Variants in CLCN4 observed in about 807,000 individuals in gnomAD.
The protein encoded by CLCN4 is Cl-/H+ antiporter 4.
CLCN4 carries 1 observed loss-of-function variant against 41.7 expected under a neutral mutation model. The ratio of observed to expected loss-of-function variants is 0.02; its 90% confidence interval spans 0.01 to 0.11. CLCN4 has a LOEUF of 0.11. Ranked by LOEUF, CLCN4 falls within the 10% of genes least tolerant of loss-of-function variation. The pLI is 1.00. For synonymous variants in CLCN4, 277 were observed against 285.8 expected, an observed-to-expected ratio of 0.97 and a Z score of 0.31; for missense variants, 287 against 661.0, an observed-to-expected ratio of 0.43 and a Z score of 6.20.
At chrX:10,183,704 A>C (rs1197445049) in intron 2 of CLCN4, among the ~76,000 whole-genome samples, 1 of 111,845 alleles carries the variant, frequency 8.9e-6, no homozygotes, top group African/African-American at 3.3e-5. Flanking sequence ...ATGGTGGGAG[A>C]ATATGGGAGA....
At chrX:10,219,458 G>A (rs1366541542) in intron 11 of CLCN4, among the ~76,000 whole-genome samples, 1 of 112,252 alleles carries the variant, frequency 8.9e-6, no homozygotes, top group African/African-American at 3.2e-5. Flanking sequence ...TTGTGCCTCA[G>A]AGTCGTCTGG....
intron 2 of CLCN4, among the ~76,000 whole-genome samples, chrX:10,182,743 T>C (rs2051686): frequency 0.34 from 37,603 of 110,889 alleles, 5,000 homozygotes; most frequent in African/African-American, 0.48. Flanking sequence ...GATCTTTTAA[T>C]CCCAACCTCA....
At chrX:10,223,988 T>C (rs188435221) in intron 12 of CLCN4, among the ~76,000 whole-genome samples, 1 of 112,064 alleles carries the variant, frequency 8.9e-6, no homozygotes, top group East Asian at 2.8e-4. Flanking sequence ...TTAAATCAAA[T>C]AGGACATTTC....
chrX:10,222,254 G>A (rs777265880), intron 12 of CLCN4, among the ~76,000 whole-genome samples: 1 of 111,882 alleles, frequency 8.9e-6, no homozygotes, highest in South Asian at 3.8e-4. Flanking sequence ...TGGCCTCTGA[G>A]TGTCACAAGT....
intron 4 of CLCN4, 142 bp downstream of exon 4, chrX:10,187,756 T>C (rs1284739672): frequency 1.3e-5 from 6 of 478,319 alleles, no homozygotes; most frequent in Non-Finnish European, 2.2e-5. Flanking sequence ...ACTTGAAATA[T>C]CTAAGGGCAA....
chrX:10,203,894 A>T (rs1167785873), intron 6 of CLCN4, among the ~76,000 whole-genome samples: 1 of 111,911 alleles, frequency 8.9e-6, no homozygotes, highest in Non-Finnish European at 1.9e-5. Flanking sequence ...TTACATAAAT[A>T]ACACTGACAA....
chrX:10,207,960 G>A (rs1272080557), intron 8 of CLCN4, 85 bp from the exon 9 acceptor site: 28 of 827,744 alleles, frequency 3.4e-5, no homozygotes, highest in African/African-American at 8.2e-5. Context: ...TGGACTTAGA[G>A]TGTGACTTTC....
intron 11 of CLCN4, among the ~76,000 whole-genome samples, chrX:10,217,163 C>A (rs977452463): frequency 3.7e-5 from 4 of 107,539 alleles, no homozygotes; most frequent in South Asian, 4.1e-4. Flanking sequence ...TGCAGTGGCG[C>A]GATCATAGCT....
At chrX:10,197,648 T>C (rs1334011917) in intron 5 of CLCN4, among the ~76,000 whole-genome samples, 1 of 111,624 alleles carries the variant, frequency 9.0e-6, no homozygotes, top group African/African-American at 3.3e-5. Context: ...CAAGTGGTGA[T>C]TAAAACCAAG....
intron 2 of CLCN4, among the ~76,000 whole-genome samples, chrX:10,175,209 T>G (rs1602140769): frequency 1.8e-5 from 2 of 111,436 alleles, no homozygotes; most frequent in East Asian, 5.7e-4. Context: ...GGGTAGGAGC[T>G]CCAGCTTAGG....
At chrX:10,167,145 T>C (rs1923270565) in intron 2 of CLCN4, among the ~76,000 whole-genome samples, 1 of 112,146 alleles carries the variant, frequency 8.9e-6, no homozygotes, top group Admixed American at 9.4e-5. Context: ...CTGAACATCC[T>C]TTTGCTCTGA....
chrX:10,177,930 T>C (rs367842048), intron 2 of CLCN4, among the ~76,000 whole-genome samples: 10 of 111,980 alleles, frequency 8.9e-5, no homozygotes, highest in African/African-American at 3.2e-4. Flanking sequence ...CACAATGGAA[T>C]CTTATTCAGC....
At chrX:10,181,380 AAAAG>A (rs1923681231) in intron 2 of CLCN4, among the ~76,000 whole-genome samples, 6 of 107,448 alleles carry the variant, frequency 5.6e-5, no homozygotes, top group Non-Finnish European at 1.9e-5. Flanking sequence ...AAAAGAAAGA[AAAAG>A]AAAAGAAAGA....
chrX:10,222,982 T>C (rs758833288), intron 12 of CLCN4, among the ~76,000 whole-genome samples: 2 of 111,869 alleles, frequency 1.8e-5, no homozygotes, highest in African/African-American at 6.5e-5. Flanking sequence ...CAAGTGGTTT[T>C]TCAAACTTGA....
At chrX:10,201,053 G>A (rs1322862603) in intron 6 of CLCN4, among the ~76,000 whole-genome samples, 5 of 111,122 alleles carry the variant, frequency 4.5e-5, no homozygotes, top group African/African-American at 1.7e-4. Flanking sequence ...ATTAAAAAAT[G>A]TGATGTTAAG....
In CLCN4 at chrX:10,187,520, C is replaced by T. The variant is rs751180181; in HGVS notation, c.150C>T (p.Thr50=). Reference sequence around the variant, plus strand: ...CTGTATCTGCTTTGTTCTAGATCACCAGCAAGAGCAAGGAGTCCATATGGG... The same window carrying T: ...CTGTATCTGCTTTGTTCTAGATCACTAGCAAGAGCAAGGAGTCCATATGGG... ...SRDTDRHRKI[T]SKSKESIWEF... is the part of the protein sequence containing the mutation. The change falls in exon 4 of 13, where the codon ACC becomes ACT. Residue 50 remains threonine, a synonymous_variant. Coordinates refer to ENST00000380833, the MANE Select transcript of CLCN4 (RefSeq NM_001830.4). 7 of 1,203,417 alleles carry T rather than the reference C, an allele frequency of 5.8e-6. No individual in the cohort carries two copies. In the South Asian group the frequency reaches 1.2e-4, roughly 21 times the overall value.
At chrX:10,209,376 C>CCCTTTCCCCTTTCCCCCTT (rs1924487513) in intron 9 of CLCN4, among the ~76,000 whole-genome samples, 2 of 92,750 alleles carry the variant, frequency 2.2e-5, no homozygotes, top group African/African-American at 8.4e-5. Flanking sequence ...TTCCCCTTTC[C>CCCTTTCCCCTTTCCCCCTT]CCCTTCCCTT....
chrX:10,175,742 AG>A (rs1923502594), intron 2 of CLCN4, among the ~76,000 whole-genome samples: 1 of 111,053 alleles, frequency 9.0e-6, no homozygotes, highest in Non-Finnish European at 1.9e-5. Flanking sequence ...ACACTTTGTT[AG>A]CGCTATGGTA....
chrX:10,216,918 T>TATATATATATACACACACACAC (rs773265490), intron 11 of CLCN4, among the ~76,000 whole-genome samples: 99 of 38,919 alleles, frequency 2.5e-3, no homozygotes, highest in South Asian at 6.8e-3. Flanking sequence ...TATATATATA[T>TATATATATATACACACACACAC]ACACACACAC....
Sources: allele counts gnomAD v4.1 joint callset (sites outside exome capture counted in the v4.1 genomes callset), GRCh38; gene constraint gnomAD v4.1.1; transcripts MANE v1.5; gene names NCBI Gene and HGNC (gene_info 2026-07-23, HGNC 2026-07-21).